The following MAPK10 variants were observed in gnomAD, a reference collection of about 807,000 sequenced individuals.
MAPK10 encodes JNK3 alpha protein kinase.
MAPK10 carries 25 observed loss-of-function variants against 59.3 expected under a neutral mutation model. That is an observed-to-expected ratio of 0.42 (90% CI 0.31 to 0.59). The LOEUF is 0.59. Ranked by LOEUF, MAPK10 falls within the 20% of genes least tolerant of loss-of-function variation. The pLI, the probability that MAPK10 is intolerant of heterozygous loss-of-function variation, is 0.15. For synonymous variants in MAPK10, 190 were observed against 200.5 expected (o/e 0.95, Z 0.44); for missense variants, 351 against 568.9 (o/e 0.62, Z 3.90).
intron 1 of MAPK10, among the ~76,000 whole-genome samples, chr4:86,565,268 TTC>T (rs1760980267): frequency 6.6e-6 from 1 of 152,236 alleles, no homozygotes; most frequent in Non-Finnish European, 1.5e-5. Flanking sequence ...ATATCCTCAT[TTC>T]CTACTTTGCT....
intron 1 of MAPK10, among the ~76,000 whole-genome samples, chr4:86,574,783 G>A (rs1761749314): frequency 6.6e-6 from 1 of 151,942 alleles, no homozygotes; most frequent in African/African-American, 2.4e-5. Flanking sequence ...GGGATGGGGG[G>A]CAAATTACAC....
chr4:86,280,508 T>G (rs1221410315), intron 2 of MAPK10, among the ~76,000 whole-genome samples: 1 of 152,154 alleles, frequency 6.6e-6, no homozygotes, highest in Non-Finnish European at 1.5e-5. Context: ...TTGGAGGGAA[T>G]GTAAATTAGT....
At chr4:86,071,662 TTGTTGTTTTTCTCA>T (rs2048006182) in intron 9 of MAPK10, among the ~76,000 whole-genome samples, 1 of 151,470 alleles carries the variant, frequency 6.6e-6, no homozygotes. Flanking sequence ...CCTTTCCCCA[TTGTTGTTTTTCTCA>T]GGTTTGTCAA....
intron 9 of MAPK10, among the ~76,000 whole-genome samples, chr4:86,070,621 T>C (rs2047705108): frequency 6.9e-6 from 1 of 145,512 alleles, no homozygotes; most frequent in Admixed American, 7.1e-5. Flanking sequence ...AATTCCCACC[T>C]ATGAGTGAGA....
chr4:86,082,972 T>A (rs2050970512), intron 9 of MAPK10, among the ~76,000 whole-genome samples: 1 of 152,198 alleles, frequency 6.6e-6, no homozygotes, highest in African/African-American at 2.4e-5. Flanking sequence ...TTGTCATCCA[T>A]CACTCAGCCA....
chr4:86,530,515 G>A (rs1341303384), intron 1 of MAPK10, among the ~76,000 whole-genome samples: 2 of 152,142 alleles, frequency 1.3e-5, no homozygotes, highest in Non-Finnish European at 2.9e-5. Flanking sequence ...CATAAACTGG[G>A]TGGCTTAAAA....
intron 3 of MAPK10, among the ~76,000 whole-genome samples, chr4:86,170,337 A>G (rs1253602906): frequency 6.6e-6 from 1 of 152,204 alleles, no homozygotes; most frequent in Non-Finnish European, 1.5e-5. Context: ...AGAAACACAC[A>G]TAGGCTCAAA....
At chr4:86,141,419 G>T (rs958662779) in intron 4 of MAPK10, among the ~76,000 whole-genome samples, 3 of 152,148 alleles carry the variant, frequency 2.0e-5, no homozygotes, top group Non-Finnish European at 4.4e-5. Context: ...TATTCAGTGT[G>T]GGGGAGTATT....
chr4:86,045,893 G>A (rs890519015), intron 11 of MAPK10, among the ~76,000 whole-genome samples: 7 of 151,190 alleles, frequency 4.6e-5, no homozygotes, highest in African/African-American at 1.7e-4. Flanking sequence ...ATCACTCCAA[G>A]CAGCCTTCTG....
Position 86,016,781 on chromosome 4 carries a change from G to A in MAPK10, c.*447C>T, listed in dbSNP as rs763465508. 2.4e-5 allele frequency: 4 copies of A among 169,312 alleles called. No homozygotes were observed. The highest frequency in any genetic ancestry group is 3.8e-5 in the Non-Finnish European group (3 of 77,968). 10.5% of individuals were successfully genotyped at this position (169,312 alleles called of 1,614,324 possible). ...GTGCTGTATGAATACAGACACATGC[G>A]GATCTGTATCTACATCCATCTGACT... On this transcript the variant is annotated 3_prime_UTR_variant, in exon 14 of 14. Transcript: ENST00000641462.
At chr4:86,420,820 G>A (rs1359991237) in intron 1 of MAPK10, among the ~76,000 whole-genome samples, 1 of 151,500 alleles carries the variant, frequency 6.6e-6, no homozygotes, top group Non-Finnish European at 1.5e-5. Context: ...AGTGGCTCAC[G>A]CCTGTAATCC....
intron 1 of MAPK10, among the ~76,000 whole-genome samples, chr4:86,520,999 C>T (rs748802975): frequency 4.6e-5 from 7 of 152,212 alleles, no homozygotes; most frequent in Non-Finnish European, 7.3e-5. Flanking sequence ...TACCAGCACC[C>T]GGTCTGGTGG....
At chr4:86,578,733 G>T (rs1043755262) in intron 1 of MAPK10, among the ~76,000 whole-genome samples, 1 of 151,958 alleles carries the variant, frequency 6.6e-6, no homozygotes, top group Admixed American at 6.6e-5. Flanking sequence ...GCAAATATTT[G>T]TAATGAATGA....
chr4:86,114,669 C>A (rs773942212), intron 4 of MAPK10, among the ~76,000 whole-genome samples: 4 of 152,210 alleles, frequency 2.6e-5, no homozygotes, highest in Non-Finnish European at 5.9e-5. Context: ...GGCACAGGAT[C>A]AGGGAACTGT....
At chr4:86,516,252 TA>T (rs1475309212) in intron 1 of MAPK10, among the ~76,000 whole-genome samples, 3 of 152,194 alleles carry the variant, frequency 2.0e-5, no homozygotes, top group African/African-American at 7.2e-5. Flanking sequence ...TGCCTGTTTT[TA>T]TAACAGTACC....
intron 4 of MAPK10, among the ~76,000 whole-genome samples, chr4:86,121,851 T>C (rs185791969): frequency 1.6e-4 from 25 of 152,262 alleles, no homozygotes; most frequent in Middle Eastern, 3.4e-3. Context: ...TTTGTGTGCT[T>C]TGACAAACAT....
At chr4:86,218,593 T>C (rs928098764) in intron 2 of MAPK10, among the ~76,000 whole-genome samples, 1 of 149,626 alleles carries the variant, frequency 6.7e-6, no homozygotes, top group Admixed American at 6.7e-5. Context: ...AAAAACACTT[T>C]GGGCAATTAA....
At chr4:86,172,837 G>T (rs1237391111) in intron 3 of MAPK10, among the ~76,000 whole-genome samples, 1 of 151,222 alleles carries the variant, frequency 6.6e-6, no homozygotes, top group Non-Finnish European at 1.5e-5. Context: ...CAAGCAGAGG[G>T]CCAAATCATG....
At chr4:86,312,693 T>C (rs1435082781) in intron 2 of MAPK10, among the ~76,000 whole-genome samples, 2 of 152,082 alleles carry the variant, frequency 1.3e-5, no homozygotes, top group African/African-American at 4.8e-5. Context: ...GTTACAGTGG[T>C]TCCTGGTTTA....
Sources: allele counts gnomAD v4.1 joint callset (sites outside exome capture counted in the v4.1 genomes callset), GRCh38; gene constraint gnomAD v4.1.1; transcripts MANE v1.5; gene names NCBI Gene and HGNC (gene_info 2026-07-23, HGNC 2026-07-21).